ACBD6: variants seen among roughly 807,000 people sequenced by gnomAD.
ACBD6 encodes acyl-CoA binding domain containing 6.
Under a neutral mutation model 37.2 loss-of-function variants are expected in ACBD6, and 28 were observed. That is an observed-to-expected ratio of 0.75 (90% CI 0.56 to 1.03). The LOEUF is 1.03. Among genes scored for constraint, ACBD6 ranks in the 50% least tolerant of loss-of-function variants. ACBD6 has a pLI of 0.00. For synonymous variants in ACBD6, 113 were observed against 126.8 expected (o/e 0.89, Z 0.73); for missense variants, 340 against 337.4 (o/e 1.01, Z -0.06).
intron 3 of ACBD6, among the ~76,000 whole-genome samples, chr1:180,433,804 C>T (rs1166748228): frequency 6.6e-6 from 1 of 152,054 alleles, no homozygotes; most frequent in Non-Finnish European, 1.5e-5. Context: ...CTTTTACCTG[C>T]CCCAGGTTAC....
chr1:180,297,553 C>T (rs74132455), intron 7 of ACBD6, among the ~76,000 whole-genome samples: 9,648 of 152,190 alleles, frequency 0.063, 950 homozygotes, highest in African/African-American at 0.21. Context: ...CCCAGGGTCA[C>T]TGCTGATTGG....
intron 3 of ACBD6, among the ~76,000 whole-genome samples, chr1:180,453,746 A>T (rs1367594394): frequency 6.6e-6 from 1 of 152,200 alleles, no homozygotes; most frequent in Non-Finnish European, 1.5e-5. Context: ...ATTCCTATAA[A>T]CCAATAATAG....
chr1:180,374,516 C>A (rs999697023), intron 6 of ACBD6, among the ~76,000 whole-genome samples: 2 of 152,136 alleles, frequency 1.3e-5, no homozygotes, highest in African/African-American at 2.4e-5. Context: ...ATTATCCACT[C>A]AGCAGAAAAA....
intron 6 of ACBD6, among the ~76,000 whole-genome samples, chr1:180,337,146 C>G (rs1013186392): frequency 6.6e-6 from 1 of 152,174 alleles, no homozygotes; most frequent in Non-Finnish European, 1.5e-5. Flanking sequence ...CTCCCTAACT[C>G]ATTTTATGAG....
intron 3 of ACBD6, among the ~76,000 whole-genome samples, chr1:180,450,009 C>A (rs1035526151): frequency 7.4e-5 from 11 of 148,860 alleles, no homozygotes; most frequent in African/African-American, 2.5e-4. Flanking sequence ...CAGGACCCCC[C>A]CACCCCAAAA....
intron 4 of ACBD6, among the ~76,000 whole-genome samples, chr1:180,418,330 C>T (rs1571483468): frequency 6.6e-6 from 1 of 152,078 alleles, no homozygotes; most frequent in South Asian, 2.1e-4. Context: ...ATAATCCCAG[C>T]ACTTTGGGAG....
chr1:180,485,449 G>A (rs533524663), intron 3 of ACBD6, among the ~76,000 whole-genome samples: 2 of 152,346 alleles, frequency 1.3e-5, no homozygotes, highest in Non-Finnish European at 2.9e-5. Context: ...AATTACTAGT[G>A]TCTACCAGAA....
In ACBD6 at chr1:180,440,437, C is replaced by T. The variant is rs114260799; in HGVS notation, c.385-10175G>A. On this transcript the variant is annotated intron_variant, in intron 3 of 7. Transcript: ENST00000367595. ...AAAAGTCTTTATTTCACGTTTACTTCTTTTTGTATTGACATGAGATTCACA... is the reference window on the plus strand; with the variant it reads ...AAAAGTCTTTATTTCACGTTTACTTTTTTTTGTATTGACATGAGATTCACA... Among the ~76,000 whole-genome samples, 732 of 152,292 alleles carry T rather than the reference C, an allele frequency of 4.8e-3. 12 individuals are homozygous for T. The highest frequency in any genetic ancestry group is 0.017 in the African/African-American group (691 of 41,572).
intron 3 of ACBD6, among the ~76,000 whole-genome samples, chr1:180,460,332 TTAGCCG>T (rs1225629357): frequency 6.6e-6 from 1 of 151,702 alleles, no homozygotes; most frequent in African/African-American, 2.4e-5. Flanking sequence ...TTTTAGCAAC[TTAGCCG>T]TTCCAGCCTC....
chr1:180,347,859 G>A (rs1336862224), intron 6 of ACBD6, among the ~76,000 whole-genome samples: 1 of 152,040 alleles, frequency 6.6e-6, no homozygotes, highest in Admixed American at 6.5e-5. Context: ...TAGCTACTCG[G>A]GAGGCTGAGG....
intron 6 of ACBD6, among the ~76,000 whole-genome samples, chr1:180,339,473 T>A (rs188466886): frequency 6.6e-6 from 1 of 152,050 alleles, no homozygotes; most frequent in Non-Finnish European, 1.5e-5. Flanking sequence ...TAGGTGGGAA[T>A]TGAACAATGA....
At chr1:180,417,094 T>A (rs1648129354) in intron 4 of ACBD6, among the ~76,000 whole-genome samples, 1 of 152,196 alleles carries the variant, frequency 6.6e-6, no homozygotes, top group Non-Finnish European at 1.5e-5. Context: ...ACAAATGCCA[T>A]AATTCCTCAA....
chr1:180,276,697 T>A (rs1234668473), intron 9 of ACBD6: 1 of 152,218 alleles, frequency 6.6e-6, no homozygotes, highest in African/African-American at 2.4e-5. Context: ...AAGGCTCTGC[T>A]GGGCAATGAA....
At chr1:180,410,900 G>A (rs1647827191) in intron 5 of ACBD6, among the ~76,000 whole-genome samples, 2 of 152,186 alleles carry the variant, frequency 1.3e-5, no homozygotes, top group Non-Finnish European at 2.9e-5. Flanking sequence ...ATAGATCTGG[G>A]CAAACTGAAA....
intron 6 of ACBD6, among the ~76,000 whole-genome samples, chr1:180,364,697 G>A (rs1479620940): frequency 1.3e-5 from 2 of 151,668 alleles, no homozygotes; most frequent in Non-Finnish European, 2.9e-5. Flanking sequence ...CCTGCATTAG[G>A]TGGGAGTTGA....
At chr1:180,443,329 T>C (rs1026048185) in intron 3 of ACBD6, among the ~76,000 whole-genome samples, 1 of 152,218 alleles carries the variant, frequency 6.6e-6, no homozygotes, top group Non-Finnish European at 1.5e-5. Flanking sequence ...TTCTCAGTCC[T>C]ATGTCAGCTC....
intron 7 of ACBD6, among the ~76,000 whole-genome samples, chr1:180,302,393 G>C (rs1459576845): frequency 6.6e-6 from 1 of 151,276 alleles, no homozygotes; most frequent in Non-Finnish European, 1.5e-5. Flanking sequence ...TATGAATCTG[G>C]GTGCTCCTGT....
At chr1:180,412,879 A>G (rs190904566) in intron 5 of ACBD6, among the ~76,000 whole-genome samples, 327 of 152,284 alleles carry the variant, frequency 2.1e-3, no homozygotes, top group Admixed American at 4.5e-3. Flanking sequence ...CTCCAAAAAA[A>G]GGAGTAATAT....
At chr1:180,473,824 T>C (rs1557885469) in intron 3 of ACBD6, among the ~76,000 whole-genome samples, 3 of 152,236 alleles carry the variant, frequency 2.0e-5, no homozygotes, top group East Asian at 3.9e-4. Flanking sequence ...CATATGCACA[T>C]ATACACACAC....
Sources: gnomAD v4.1 joint callset for allele counts (sites outside exome capture counted in the v4.1 genomes callset) on GRCh38, gnomAD v4.1.1 for gene constraint, MANE v1.5 for transcripts, NCBI Gene and HGNC (gene_info 2026-07-23, HGNC 2026-07-21) for gene names.